The following KCTD16 variants were observed in gnomAD, a reference collection of about 807,000 sequenced individuals.
KCTD16 encodes the protein BTB/POZ domain-containing protein KCTD16.
In KCTD16, 13 loss-of-function variants were observed where a neutral mutation model predicts 33.2. The observed-to-expected ratio is 0.39, with a 90% CI of 0.25 to 0.62. KCTD16 has a LOEUF of 0.62. KCTD16 is among the 20% of genes least tolerant of loss of function. The probability of loss-of-function intolerance (pLI) is 0.50; values close to 1 mark genes in which losing one functional copy is unlikely to be tolerated. For synonymous variants in KCTD16, 197 were observed against 195.3 expected (o/e 1.01, Z -0.07); for missense variants, 441 against 525.1 (o/e 0.84, Z 1.57).
intron 3 of KCTD16, among the ~76,000 whole-genome samples, chr5:144,429,129 G>A (rs1266728345): frequency 6.6e-6 from 1 of 152,056 alleles, no homozygotes; most frequent in African/African-American, 2.4e-5. Context: ...CTAAGGAAAC[G>A]GTGATGAGAA....
At chr5:144,318,123 CTG>C (rs1350242258) in intron 3 of KCTD16, among the ~76,000 whole-genome samples, 2 of 152,156 alleles carry the variant, frequency 1.3e-5, no homozygotes, top group Non-Finnish European at 2.9e-5. Context: ...GTTGAGGAGA[CTG>C]AAGGAGAAGG....
chr5:144,358,123 G>A (rs1458147037), intron 3 of KCTD16, among the ~76,000 whole-genome samples: 3 of 131,080 alleles, frequency 2.3e-5, no homozygotes, highest in South Asian at 2.4e-4. Flanking sequence ...TTGTAGAGAC[G>A]AGATCTCACT....
chr5:144,248,908 C>T lies in KCTD16; in HGVS notation c.832+41362C>T, dbSNP rs143651906. 1.8e-4 allele frequency among the ~76,000 whole-genome samples: 28 copies of T among 152,178 alleles called. No individual in the cohort carries two copies. In the East Asian group the frequency reaches 4.4e-3, roughly 24 times the overall value. On this transcript the variant is annotated intron_variant, in intron 3 of 3. Transcript: ENST00000512467. ...AGAATCTTTCAAAGGTAAATATTTC[C>T]TGCTTCTCTTAAAATAAAAACTCAA...
intron 3 of KCTD16, among the ~76,000 whole-genome samples, chr5:144,415,419 G>A (rs1007603806): frequency 6.6e-6 from 1 of 152,158 alleles, no homozygotes; most frequent in South Asian, 2.1e-4. Flanking sequence ...GGAAAGGGAT[G>A]AGGAGGGACT....
intron 3 of KCTD16, among the ~76,000 whole-genome samples, chr5:144,407,201 G>GTTTT (rs60786617): frequency 7.0e-6 from 1 of 142,468 alleles, no homozygotes; most frequent in African/African-American, 2.6e-5. Flanking sequence ...AAAAATTCCT[G>GTTTT]TTTTTTTTTT....
intron 3 of KCTD16, among the ~76,000 whole-genome samples, chr5:144,451,393 A>G (rs1580975309): frequency 6.6e-6 from 1 of 152,160 alleles, no homozygotes; most frequent in African/African-American, 2.4e-5. Context: ...TGGGTGTGGT[A>G]TGGACCAGGT....
chr5:144,359,026 C>T (rs1751641674), intron 3 of KCTD16, among the ~76,000 whole-genome samples: 1 of 152,164 alleles, frequency 6.6e-6, no homozygotes, highest in South Asian at 2.1e-4. Context: ...GTCTAGCTGC[C>T]TACTCTGAGT....
intron 3 of KCTD16, among the ~76,000 whole-genome samples, chr5:144,215,464 C>A (rs1229464826): frequency 6.6e-6 from 1 of 152,196 alleles, no homozygotes; most frequent in Non-Finnish European, 1.5e-5. Flanking sequence ...TGTTAATTAT[C>A]ATTTCTTAAT....
intron 3 of KCTD16, among the ~76,000 whole-genome samples, chr5:144,294,141 A>G (rs887725790): frequency 1.3e-5 from 2 of 151,010 alleles, no homozygotes. Context: ...CCTGAATGAC[A>G]GAGTGAGACT....
At chr5:144,267,729 C>T (rs775430012) in intron 3 of KCTD16, among the ~76,000 whole-genome samples, 9 of 152,108 alleles carry the variant, frequency 5.9e-5, no homozygotes, top group Non-Finnish European at 1.0e-4. Flanking sequence ...AATGAGGTAC[C>T]ATTCTTTCCC....
intron 2 of KCTD16, among the ~76,000 whole-genome samples, chr5:144,191,811 T>C (rs533497588): frequency 3.1e-5 from 3 of 96,726 alleles, no homozygotes; most frequent in South Asian, 4.2e-4. Flanking sequence ...TGCATGGAGC[T>C]GCGTATTTCC....
chr5:144,366,294 CTCTTCAGAG>C (rs1369620674), intron 3 of KCTD16, among the ~76,000 whole-genome samples: 1 of 152,196 alleles, frequency 6.6e-6, no homozygotes, highest in Non-Finnish European at 1.5e-5. Flanking sequence ...CTGAAAACTC[CTCTTCAGAG>C]TCTTGTTGAT....
intron 3 of KCTD16, among the ~76,000 whole-genome samples, chr5:144,423,593 C>G (rs564072297): frequency 6.6e-6 from 1 of 152,212 alleles, no homozygotes; most frequent in Admixed American, 6.5e-5. Flanking sequence ...AAGTATCTTA[C>G]AATGCACAGG....
At chr5:144,195,122 A>G (rs946440343) in intron 2 of KCTD16, among the ~76,000 whole-genome samples, 1 of 152,144 alleles carries the variant, frequency 6.6e-6, no homozygotes, top group African/African-American at 2.4e-5. Context: ...CTGAAATAGA[A>G]ATAGTGCTTG....
At chr5:144,314,858 A>G (rs1751864263) in intron 3 of KCTD16, among the ~76,000 whole-genome samples, 1 of 152,194 alleles carries the variant, frequency 6.6e-6, no homozygotes, top group Non-Finnish European at 1.5e-5. Context: ...AGGCTAATAA[A>G]AAGACCTAAA....
chr5:144,438,519 A>G (rs540093660), intron 3 of KCTD16, among the ~76,000 whole-genome samples: 3 of 152,334 alleles, frequency 2.0e-5, no homozygotes, highest in Admixed American at 2.0e-4. Flanking sequence ...TAATAAACCT[A>G]GAGCTTTGAG....
intron 3 of KCTD16, among the ~76,000 whole-genome samples, chr5:144,282,356 C>T (rs759853515): frequency 6.7e-6 from 1 of 149,992 alleles, no homozygotes; most frequent in Non-Finnish European, 1.5e-5. Context: ...ACATGCCATG[C>T]CTTATCCATT....
chr5:144,473,789 C>T lies in KCTD16; in HGVS notation c.962C>T (p.Ala321Val), dbSNP rs1754532005. The change falls in exon 4 of 4, where the codon GCC becomes GTC. Residue 321 changes from alanine to valine, a missense_variant. By Grantham distance (64) the Ala-to-Val change is moderately conservative (BLOSUM62 0). Coordinates refer to ENST00000512467, the MANE Select transcript of KCTD16 (RefSeq NM_020768.4). The stretch of plus-strand genomic sequence containing the variant: ...TCTAGCTGCGACAGCCAGTCTGAGG[C>T]CAGCTCTCCCCAGGAGACGGTCATC... ...STSSCDSQSE[A>V]SSPQETVICG... The T allele has an allele frequency of 3.1e-6, 5 of 1,613,966 alleles. No homozygotes were observed. The highest frequency in any genetic ancestry group is 1.1e-5 in the South Asian group (1 of 91,074).
chr5:144,450,869 T>C (rs1260078583), intron 3 of KCTD16, among the ~76,000 whole-genome samples: 7 of 152,106 alleles, frequency 4.6e-5, no homozygotes, highest in African/African-American at 1.2e-4. Flanking sequence ...TATAGAGATC[T>C]AATGTACAGC....
Sources: allele counts gnomAD v4.1 joint callset (sites outside exome capture counted in the v4.1 genomes callset), GRCh38; gene constraint gnomAD v4.1.1; transcripts MANE v1.5; gene names NCBI Gene and HGNC (gene_info 2026-07-23, HGNC 2026-07-21).